The following TRIM11 variants were observed in gnomAD, a reference collection of about 807,000 sequenced individuals.
TRIM11 encodes tripartite motif containing 11, also known as E3 ubiquitin-protein ligase TRIM11.
TRIM11 carries 15 observed loss-of-function variants against 33.4 expected under a neutral mutation model. The ratio of observed to expected loss-of-function variants is 0.45; its 90% CI spans 0.30 to 0.69. TRIM11 has a LOEUF of 0.69. Ranked by LOEUF, TRIM11 falls within the 30% of genes least tolerant of loss-of-function variation. TRIM11 has a pLI of 0.08. For synonymous variants in TRIM11, 281 were observed against 302.6 expected, an observed-to-expected ratio of 0.93 and a Z score of 0.74; for missense variants, 499 against 667.6, an observed-to-expected ratio of 0.75 and a Z score of 2.78.
chr1:228,404,732 T>G (rs1381528411), intron 1 of TRIM11: 1 of 152,254 alleles, frequency 6.6e-6, no homozygotes, highest in Non-Finnish European at 1.5e-5. Flanking sequence ...CATTATCTTG[T>G]GTTAATTCTT....
intron 1 of TRIM11, 165 bp downstream of exon 1, chr1:228,405,989 G>A: frequency 1.3e-6 from 1 of 780,716 alleles, no homozygotes; most frequent in Non-Finnish European, 1.8e-6. Flanking sequence ...CAGCCACCCT[G>A]CGCGACACCC....
At position 228,406,603 on chromosome 1, in the gene TRIM11, G is replaced by A. The variant is rs1574090176; in HGVS notation, c.-42C>T. 19 of 1,396,848 alleles carry A rather than the reference G, an allele frequency of 1.4e-5. No individual in the cohort carries two copies. The East Asian group carries it at 4.4e-4, about 33-fold the overall frequency. 86.5% of individuals were successfully genotyped at this position (1,396,848 alleles called of 1,614,324 possible). On this transcript the variant is annotated 5_prime_UTR_variant, in exon 1 of 6. Transcript: ENST00000284551. The surrounding 1 kb of genome is among the most constrained non-coding windows in gnomAD (Gnocchi z 8.2). ...AGGAAGGCGGTACTGTCCGCGGGGC[G>A]GCGGCGGGCGGCCTCGGCAGCTCGC...
Position 228,401,680 on chromosome 1 carries a change from C to T in TRIM11, c.504+386G>A, listed in dbSNP as rs2149093183. Among the ~76,000 whole-genome samples the T allele has an allele frequency of 6.6e-6, 1 of 152,204 alleles. No individual in the cohort carries two copies. Among genetic ancestry groups the T allele is most frequent in the South Asian group, 2.1e-4 (1 of 4,814 alleles). On this transcript the variant is annotated intron_variant, in intron 2 of 5. Transcript: ENST00000284551. The surrounding 1 kb of genome is among the most constrained non-coding windows in gnomAD (Gnocchi z 6.1). Reference sequence around the variant, plus strand: ...ATCCACCACCCAGAGCCTCCCAGACCCCAAATCTACCCCAGAACTGGACAG... The same window carrying T: ...ATCCACCACCCAGAGCCTCCCAGACTCCAAATCTACCCCAGAACTGGACAG...
chr1:228,395,165 T>C lies in TRIM11; in HGVS notation c.947A>G (p.Gln316Arg). Residue 316 changes from glutamine (Q) to arginine (R), a missense_variant, in exon 6 of 6, where the codon CAG becomes CGG. Transcript: ENST00000284551. This position sits in a 1 kb window ranked among gnomAD's most constrained non-coding sequence, Gnocchi z 4.8. ...RRSVQRGDLR[Q>R]ALPDSPERFD... ...GCGCTCTGGGCTGTCCGGCAGGGCC[T>C]GCCGTAGGTCCCCCCGCTGCACGCT... 1 of 1,527,036 alleles carries C rather than the reference T, an allele frequency of 6.5e-7. No homozygotes were observed. Among genetic ancestry groups the C allele is most frequent in the Non-Finnish European group, 8.7e-7 (1 of 1,143,482 alleles). The allele number at this position is 1,527,036 out of a possible 1,614,324, so 94.6% of individuals were successfully genotyped here. A position where few individuals can be genotyped will look rare whatever the true frequency, so the allele number is the denominator to read the frequency against.
Position 228,397,119 on chromosome 1 carries a change from CT to C in TRIM11, c.758+23del, listed in dbSNP as rs200170393. The stretch of plus-strand genomic sequence containing the variant: ...CCCACCCCACTCCCTCCTGCCCCCC[CT>C]CCAGGAGAGGCTGGGTTCGTACCTG... On this transcript the variant is annotated intron_variant, in intron 4 of 5. Coordinates refer to ENST00000284551, the MANE Select transcript of TRIM11 (RefSeq NM_145214.3). 1,316 of 1,613,898 alleles carry C rather than the reference CT, an allele frequency of 8.2e-4. 7 individuals carry two copies. The African/African-American group carries it at 0.015, about 19-fold the overall frequency.
At chr1:228,398,055 C>G (rs554403501) in intron 3 of TRIM11, among the ~76,000 whole-genome samples, 1 of 152,234 alleles carries the variant, frequency 6.6e-6, no homozygotes, top group African/African-American at 2.4e-5. Flanking sequence ...CCCGAGCTGG[C>G]GTGATACACC....
chr1:228,406,363 G>C lies in TRIM11; in HGVS notation c.199C>G (p.Pro67Ala). ...GCCATCTTAGCAAGCGGGCGGTTGG[G>C]CCGCAGGTTCCTCTGCGGGGACAGC... Reference protein sequence around the residue: ...RELSPQRNLRPNRPLAKMAEM... With the variant: ...RELSPQRNLRANRPLAKMAEM... The change falls in exon 1 of 6, where the codon CCC (proline) becomes GCC (alanine). Residue 67 changes from proline (P) to alanine (A), a missense_variant. Transcript: ENST00000284551. The surrounding 1 kb of genome is among the most constrained non-coding windows in gnomAD (Gnocchi z 8.2). The C allele has an allele frequency of 6.6e-7, 1 of 1,505,304 alleles. No individual in the cohort carries two copies. Among genetic ancestry groups the C allele is most frequent in the Non-Finnish European group, 8.9e-7 (1 of 1,129,062 alleles). The allele number at this position is 1,505,304 out of a possible 1,614,324, so 93.2% of individuals were successfully genotyped here.
Position 228,406,382 on chromosome 1 carries a change from G to A in TRIM11, c.180C>T (p.Ser60=), listed in dbSNP as rs766754369. The change falls in exon 1 of 6, where the codon TCC becomes TCT. Residue 60 remains serine, a synonymous_variant. Transcript: ENST00000284551. This position sits in a 1 kb window ranked among gnomAD's most constrained non-coding sequence, Gnocchi z 8.2. ...GGTTGGGCCGCAGGTTCCTCTGCGG[G>A]GACAGCTCGCGGCACTCGGGGCACG... ...PYACPECREL[S]PQRNLRPNRP... is the part of the protein sequence containing the mutation. 9.1e-6 allele frequency: 14 copies of A among 1,535,042 alleles called. No homozygotes were observed. Among genetic ancestry groups the A allele is most frequent in the Non-Finnish European group, 9.6e-6 (11 of 1,145,230 alleles).
In TRIM11 at chr1:228,394,580, G is replaced by T; in HGVS notation, c.*125C>A. The T allele has an allele frequency of 1.8e-6, 2 of 1,093,266 alleles. No homozygotes were observed. Among genetic ancestry groups the T allele is most frequent in the East Asian group, 2.6e-5 (1 of 38,326 alleles). 67.7% of individuals were successfully genotyped at this position (1,093,266 alleles called of 1,614,324 possible). A position where few individuals can be genotyped will look rare whatever the true frequency, so the allele number is the denominator to read the frequency against. On this transcript the variant is annotated 3_prime_UTR_variant, in exon 6 of 6. Coordinates refer to ENST00000284551, the MANE Select transcript of TRIM11 (RefSeq NM_145214.3). This position sits in a 1 kb window ranked among gnomAD's most constrained non-coding sequence, Gnocchi z 6.2. ...GGTTCTCCCACGCAGGCTCAGAAAG[G>T]CACCAGGAGTTCCTCCTCTTGCTCA... is the stretch of plus-strand genomic sequence containing the variant.
In TRIM11 at chr1:228,400,036, C is replaced by T. The variant is rs1194791247; in HGVS notation, c.735+928G>A. Among the ~76,000 whole-genome samples, 1 of 152,196 alleles carries T rather than the reference C, an allele frequency of 6.6e-6. No homozygotes were observed. Among genetic ancestry groups the T allele is most frequent in the Non-Finnish European group, 1.5e-5 (1 of 68,020 alleles). On this transcript the variant is annotated intron_variant, in intron 3 of 5. Coordinates refer to ENST00000284551, the MANE Select transcript of TRIM11 (RefSeq NM_145214.3). This position sits in a 1 kb window ranked among gnomAD's most constrained non-coding sequence, Gnocchi z 4.5. Reference sequence around the variant, plus strand: ...CACCCCCTGTGCAAAGCCGCCCAGCCACATCTGCAGCATTGTGGGCTCCAC... The same window carrying T: ...CACCCCCTGTGCAAAGCCGCCCAGCTACATCTGCAGCATTGTGGGCTCCAC...
At chr1:228,398,319 G>C (rs1381757425) in intron 3 of TRIM11, among the ~76,000 whole-genome samples, 2 of 152,098 alleles carry the variant, frequency 1.3e-5, no homozygotes, top group Admixed American at 6.5e-5. Context: ...TTCTGTCTAG[G>C]GGGACAACAA....
At position 228,394,528 on chromosome 1, in the gene TRIM11, C is replaced by T. The variant is rs1471503228; in HGVS notation, c.*177G>A. ...GGACGGAGCCTGCCCCACACTCTCC[C>T]ACAGTTTCCTGGAGTGCTAGAATTG... On this transcript the variant is annotated 3_prime_UTR_variant, in exon 6 of 6. Coordinates refer to ENST00000284551, the MANE Select transcript of TRIM11 (RefSeq NM_145214.3). The surrounding 1 kb of genome is among the most constrained non-coding windows in gnomAD (Gnocchi z 6.2). 1 of 736,604 alleles carries T rather than the reference C, an allele frequency of 1.4e-6. No homozygotes were observed. Among genetic ancestry groups the T allele is most frequent in the Non-Finnish European group, 2.1e-6 (1 of 469,946 alleles). 45.6% of individuals were successfully genotyped at this position (736,604 alleles called of 1,614,324 possible).
At position 228,401,065 on chromosome 1, in the gene TRIM11, G is replaced by T. The variant is rs145758488; in HGVS notation, c.634C>A (p.Arg212=). ...TGGCCTAGGTGGGCTGCGCCCTCCCGCAGCCGGGGCAGCACCTCCAGCTCC... is the reference window on the plus strand; with the variant it reads ...TGGCCTAGGTGGGCTGCGCCCTCCCTCAGCCGGGGCAGCACCTCCAGCTCC... ...EEELEVLPRL[R]EGAAHLGQQS... Residue 212 remains arginine, a synonymous_variant, in exon 3 of 6, where the codon CGG becomes AGG. Coordinates refer to ENST00000284551, the MANE Select transcript of TRIM11 (RefSeq NM_145214.3). This position sits in a 1 kb window ranked among gnomAD's most constrained non-coding sequence, Gnocchi z 6.1. 16 of 1,612,720 alleles carry T rather than the reference G, an allele frequency of 9.9e-6. No homozygotes were observed. Among genetic ancestry groups the T allele is most frequent in the African/African-American group, 4.0e-5 (3 of 74,884 alleles).
At chr1:228,397,440 A>G in intron 3 of TRIM11, 1 of 500,544 alleles carries the variant, frequency 2.0e-6, no homozygotes, top group South Asian at 3.2e-5. Context: ...ACTTGGATGT[A>G]GGGCATCTGG....
intron 3 of TRIM11, among the ~76,000 whole-genome samples, chr1:228,398,516 G>A (rs1399576423): frequency 1.3e-5 from 2 of 152,168 alleles, no homozygotes; most frequent in Non-Finnish European, 2.9e-5. Flanking sequence ...CTACTCAGGG[G>A]ACTGAGATGG....
At position 228,400,820 on chromosome 1, in the gene TRIM11, A is replaced by T. The variant is rs1656182653; in HGVS notation, c.735+144T>A. 7.1e-7 allele frequency: 1 copy of T among 1,400,244 alleles called. No homozygotes were observed. Among genetic ancestry groups the T allele is most frequent in the South Asian group, 1.5e-5 (1 of 65,042 alleles). 86.7% of individuals were successfully genotyped at this position (1,400,244 alleles called of 1,614,324 possible). Reference sequence around the variant, plus strand: ...GCTGACTCAGCATTTCACAGGCAACAGCCAGGCACATCCAGCCATGCCATT... The same window carrying T: ...GCTGACTCAGCATTTCACAGGCAACTGCCAGGCACATCCAGCCATGCCATT... On this transcript the variant is annotated intron_variant, in intron 3 of 5. Coordinates refer to ENST00000284551, the MANE Select transcript of TRIM11 (RefSeq NM_145214.3). This position sits in a 1 kb window ranked among gnomAD's most constrained non-coding sequence, Gnocchi z 4.5.
chr1:228,401,250 C>G lies in TRIM11; in HGVS notation c.505-56G>C. The G allele has an allele frequency of 6.4e-7, 1 of 1,569,890 alleles. No individual in the cohort carries two copies. Among genetic ancestry groups the G allele is most frequent in the South Asian group, 1.2e-5 (1 of 84,672 alleles). ...GCCAGACCCCAGGCCCAGCCAGACC[C>G]CAAGTTTGGTCAGACCCCAAGCCCA... On this transcript the variant is annotated intron_variant, in intron 2 of 5. Transcript: ENST00000284551. The surrounding 1 kb of genome is among the most constrained non-coding windows in gnomAD (Gnocchi z 6.1).
chr1:228,397,153 C>T lies in TRIM11; in HGVS notation c.748G>A (p.Ala250Thr), dbSNP rs752433568. 18 of 1,613,416 alleles carry T rather than the reference C, an allele frequency of 1.1e-5. No individual in the cohort carries two copies. The highest frequency in any genetic ancestry group is 4.5e-5 in the East Asian group (2 of 44,870). ...AGGCTGGGTTCGTACCTGCGCAGGG[C>T]GTCCTTGATGTCCTATGTGGGGAGG... is the stretch of plus-strand genomic sequence containing the variant. ...ALGLLQDIKD[A>T]LRRVQDVKLQ... The change falls in exon 4 of 6, where the codon GCC (alanine) becomes ACC (threonine). Residue 250 changes from alanine (A) to threonine (T), a missense_variant. Coordinates refer to ENST00000284551, the MANE Select transcript of TRIM11 (RefSeq NM_145214.3).
In TRIM11 at chr1:228,395,241, A is replaced by G. The variant is rs1185180094; in HGVS notation, c.871T>C (p.Leu291=). Residue 291 remains leucine, a synonymous_variant, in exon 6 of 6, where the codon TTG becomes CTG. Coordinates refer to ENST00000284551, the MANE Select transcript of TRIM11 (RefSeq NM_145214.3). This position sits in a 1 kb window ranked among gnomAD's most constrained non-coding sequence, Gnocchi z 4.8. ...TLRRFRGDVT[L]DPDTANPELI... ...TCAGGGTTGGCGGTGTCCGGGTCCA[A>G]GGTCACGTCCCCTGCAGAGAGAGGC... The G allele has an allele frequency of 2.0e-6, 3 of 1,467,892 alleles. No individual in the cohort carries two copies. The highest frequency in any genetic ancestry group is 2.7e-6 in the Non-Finnish European group (3 of 1,115,154). The allele number at this position is 1,467,892 out of a possible 1,614,324, so 90.9% of individuals were successfully genotyped here.
Sources: allele counts gnomAD v4.1 joint callset (sites outside exome capture counted in the v4.1 genomes callset), GRCh38; gene constraint gnomAD v4.1.1; non-coding constraint Gnocchi (gnomAD v3.1); transcripts MANE v1.5; gene names NCBI Gene and HGNC (gene_info 2026-07-23, HGNC 2026-07-21).